Variants in FLVCR1 observed in about 807,000 individuals in gnomAD.
FLVCR1 encodes choline/ethanolamine transporter FLVCR1.
In FLVCR1, 34 loss-of-function variants were observed where a neutral mutation model predicts 53.6. That is an observed-to-expected ratio of 0.63 (90% CI 0.48 to 0.84). The LOEUF is 0.84. Ranked by LOEUF, FLVCR1 falls within the 40% of genes least tolerant of loss-of-function variation. The pLI is 0.00. For synonymous variants in FLVCR1, 300 were observed against 286.3 expected (o/e 1.05, Z -0.48); for missense variants, 677 against 696.7 (o/e 0.97, Z 0.32).
intron 2 of FLVCR1, 23 bp from the exon 3 acceptor site, chr1:212,872,655 A>C: frequency 6.4e-7 from 1 of 1,551,516 alleles, no homozygotes; most frequent in South Asian, 1.1e-5. Flanking sequence ...AATATACATA[A>C]TCCTTTTCGT....
intron 3 of FLVCR1, among the ~76,000 whole-genome samples, chr1:212,881,803 A>G (rs1664938121): frequency 6.6e-6 from 1 of 152,256 alleles, no homozygotes; most frequent in Middle Eastern, 3.2e-3. Flanking sequence ...TCTGCAATGC[A>G]TATAACCAAC....
chr1:212,880,416 A>G (rs1205461767), intron 3 of FLVCR1, among the ~76,000 whole-genome samples: 2 of 152,216 alleles, frequency 1.3e-5, no homozygotes, highest in African/African-American at 2.4e-5. Context: ...TTAAGATGCC[A>G]TGAGTAAGGG....
chr1:212,886,465 G>A (rs961473842), intron 5 of FLVCR1, among the ~76,000 whole-genome samples: 2 of 152,136 alleles, frequency 1.3e-5, no homozygotes, highest in Admixed American at 6.6e-5. Context: ...GCTAAAGTAC[G>A]CCCAGACTAC....
rs376805847 is a variant in FLVCR1 at position 212,893,065 on chromosome 1, T to TTGGG, written c.1526-1921_1526-1920insTGGG. ...AAATGAAGGGTTGCTTCTTTTTTTT[T>TTGGG]GGGGGGGGGTGCCGGAATGTTGCTG... On this transcript the variant is annotated intron_variant, in intron 8 of 9. Transcript: ENST00000366971. 5.4e-4 allele frequency among the ~76,000 whole-genome samples: 77 copies of TTGGG among 142,362 alleles called. 2 individuals carry two copies. Among genetic ancestry groups the TTGGG allele is most frequent in the Non-Finnish European group, 8.5e-4 (56 of 65,852 alleles). The allele number at this position is 142,362 out of a possible 152,430, so 93.4% of individuals were successfully genotyped here.
intron 1 of FLVCR1, among the ~76,000 whole-genome samples, chr1:212,860,349 G>GTTTTTTTTTTTTTTTTTTTTTTTT (rs1436823234): frequency 1.8e-5 from 1 of 56,676 alleles, no homozygotes; most frequent in Non-Finnish European, 4.7e-5. Flanking sequence ...TTGTGTGTGT[G>GTTTTTTTTTTTTTTTTTTTTTTTT]GTTTTTTTTT....
At chr1:212,891,887 T>C (rs888097453) in intron 8 of FLVCR1, among the ~76,000 whole-genome samples, 1 of 152,190 alleles carries the variant, frequency 6.6e-6, no homozygotes, top group Non-Finnish European at 1.5e-5. Context: ...AGAATGCTAC[T>C]CCAGTGAACA....
rs5780703 is a variant in FLVCR1, at chr1:212,886,042, C to CTTT, written c.1196+662_1196+664dup. Among the ~76,000 whole-genome samples, 194 of 121,120 alleles carry CTTT rather than the reference C, an allele frequency of 1.6e-3. 6 individuals are homozygous for CTTT. Among genetic ancestry groups the CTTT allele is most frequent in the Admixed American group, 3.6e-3 (37 of 10,360 alleles). The allele number at this position is 121,120 out of a possible 152,430, so 79.5% of individuals were successfully genotyped here. ...GACTTTTGATAGACTTTATCTTGTT[C>CTTT]TTTTTTTTTTTTTTTTTTAGGTGGG... On this transcript the variant is annotated intron_variant, in intron 5 of 9. Transcript: ENST00000366971.
chr1:212,888,128 A>G lies in FLVCR1; in HGVS notation c.1307+127A>G, dbSNP rs1185522727. 3 of 659,464 alleles carry G rather than the reference A, an allele frequency of 4.5e-6. No homozygotes were observed. In the African/African-American group the frequency reaches 5.5e-5, roughly 12 times the overall value. 40.9% of individuals were successfully genotyped at this position (659,464 alleles called of 1,614,324 possible). ...CAATATTTTAAACTTTAAAGGATTC[A>G]TTCTATGCATATAAACATGTAATTC... is the stretch of plus-strand genomic sequence containing the variant. On this transcript the variant is annotated intron_variant, in intron 6 of 9. Transcript: ENST00000366971.
In FLVCR1 at chr1:212,895,322, T is replaced by C. The variant is rs374779364; in HGVS notation, c.*32T>C. 1.8e-4 allele frequency: 268 copies of C among 1,500,410 alleles called. 2 individuals are homozygous for C. The African/African-American group carries it at 2.3e-3, about 13-fold the overall frequency. 92.9% of individuals were successfully genotyped at this position (1,500,410 alleles called of 1,614,324 possible). A position where few individuals can be genotyped will look rare whatever the true frequency, so the allele number is the denominator to read the frequency against. The stretch of plus-strand genomic sequence containing the variant: ...AGGCAAAGTTACTGTCCTGTAGTAA[T>C]TGGGGACAATGTGATCATCCTTGGA... On this transcript the variant is annotated 3_prime_UTR_variant, in exon 10 of 10. Transcript: ENST00000366971.
chr1:212,860,655 T>A (rs936344599), intron 1 of FLVCR1, among the ~76,000 whole-genome samples: 9 of 152,200 alleles, frequency 5.9e-5, no homozygotes, highest in African/African-American at 2.2e-4. Flanking sequence ...GTTTACATGT[T>A]CATATGTTAC....
intron 2 of FLVCR1, among the ~76,000 whole-genome samples, chr1:212,868,848 T>C (rs550055985): frequency 8.1e-4 from 124 of 152,350 alleles, no homozygotes; most frequent in Non-Finnish European, 1.4e-3. Flanking sequence ...ATTACAGAAT[T>C]ATTTTACATA....
chr1:212,863,703 A>G (rs1484821603), intron 1 of FLVCR1, 22 bp from the exon 2 acceptor site: 1 of 1,613,040 alleles, frequency 6.2e-7, no homozygotes, highest in Non-Finnish European at 8.5e-7. Context: ...AATAGCTGTT[A>G]ACAGGACTAT....
intron 1 of FLVCR1, among the ~76,000 whole-genome samples, chr1:212,861,758 C>T (rs1664246918): frequency 6.6e-6 from 1 of 152,060 alleles, no homozygotes; most frequent in African/African-American, 2.4e-5. Flanking sequence ...CAAGCTCTGC[C>T]TCCCGGGTTC....
intron 2 of FLVCR1, among the ~76,000 whole-genome samples, chr1:212,871,340 A>G (rs1030329694): frequency 1.3e-5 from 2 of 152,212 alleles, no homozygotes; most frequent in Non-Finnish European, 2.9e-5. Context: ...TACAAAGTCT[A>G]GATTTTAATT....
At chr1:212,860,480 G>A (rs932845356) in intron 1 of FLVCR1, among the ~76,000 whole-genome samples, 4 of 149,954 alleles carry the variant, frequency 2.7e-5, no homozygotes, top group South Asian at 2.2e-4. Flanking sequence ...GAACCACCAC[G>A]CCCGGCCATG....
chr1:212,861,554 A>T (rs1392693418), intron 1 of FLVCR1, among the ~76,000 whole-genome samples: 24 of 152,232 alleles, frequency 1.6e-4, no homozygotes, highest in Admixed American at 1.6e-3. Flanking sequence ...ATAGTAAATT[A>T]CGTGGTCTCC....
Position 212,879,974 on chromosome 1 carries a change from A to ATTTT in FLVCR1, c.1025-3388_1025-3385dup, listed in dbSNP as rs34468539. ...ATACTCTAGGTTCAGATAACATAGT[A>ATTTT]TTTTTTTTTTTTGGCTGTTATAATT... On this transcript the variant is annotated intron_variant, in intron 3 of 9. Transcript: ENST00000366971. 5.0e-4 allele frequency among the ~76,000 whole-genome samples: 74 copies of ATTTT among 148,980 alleles called. No homozygotes were observed. In the East Asian group the frequency reaches 5.9e-3, roughly 12 times the overall value.
chr1:212,872,929 C>G (rs1664645428), intron 3 of FLVCR1, 111 bp downstream of exon 3: 4 of 1,074,004 alleles, frequency 3.7e-6, no homozygotes, highest in Non-Finnish European at 5.7e-6. Context: ...CCTGTTAACT[C>G]TACAGCATAA....
chr1:212,897,493 G>A lies in FLVCR1; in HGVS notation c.*2203G>A, dbSNP rs925767066. 1.3e-5 allele frequency: 2 copies of A among 152,298 alleles called. No individual in the cohort carries two copies. The highest frequency in any genetic ancestry group is 4.8e-5 in the African/African-American group (2 of 41,436). 9.4% of individuals were successfully genotyped at this position (152,298 alleles called of 1,614,324 possible). A position where few individuals can be genotyped will look rare whatever the true frequency, so the allele number is the denominator to read the frequency against. On this transcript the variant is annotated 3_prime_UTR_variant, in exon 10 of 10. Transcript: ENST00000366971. ...GCTGAGATTGCGCCACTGCACTCCA[G>A]CCTGGGTGACAGAGCGAGACTCTGT...
Sources: allele counts gnomAD v4.1 joint callset (sites outside exome capture counted in the v4.1 genomes callset), GRCh38; gene constraint gnomAD v4.1.1; transcripts MANE v1.5; gene names NCBI Gene and HGNC (gene_info 2026-07-23, HGNC 2026-07-21).